The following POLN variants were observed in gnomAD, a reference collection of about 807,000 sequenced individuals.
The protein encoded by POLN is DNA polymerase nu.
Under a neutral mutation model 113.5 loss-of-function variants are expected in POLN, and 108 were observed. The observed-to-expected ratio is 0.95, with a 90% CI of 0.81 to 1.12. The LOEUF is 1.12. POLN is among the 50% of genes most tolerant of loss of function. POLN has a pLI of 0.00. For synonymous variants in POLN, 386 were observed against 391.5 expected (o/e 0.99, Z 0.17); for missense variants, 1,097 against 1,077.1 (o/e 1.02, Z -0.26).
At chr4:2,149,805 C>T (rs1024166231) in intron 16 of POLN, among the ~76,000 whole-genome samples, 4 of 150,714 alleles carry the variant, frequency 2.7e-5, no homozygotes, top group Admixed American at 2.6e-4. Flanking sequence ...GAGAGAGGGC[C>T]GGGCGCGTTG....
chr4:2,130,838 G>A (rs540943322), intron 17 of POLN, among the ~76,000 whole-genome samples: 1 of 152,244 alleles, frequency 6.6e-6, no homozygotes, highest in South Asian at 2.1e-4. Flanking sequence ...ACTTCAGGAA[G>A]GTGAAGCAGT....
At chr4:2,164,166 G>A (rs1034973802) in intron 13 of POLN, among the ~76,000 whole-genome samples, 1 of 152,168 alleles carries the variant, frequency 6.6e-6, no homozygotes, top group Non-Finnish European at 1.5e-5. Context: ...GGACTGCAGT[G>A]ACAGCCTACT....
rs748088381 is a variant in POLN, at chr4:2,072,015, G to A, written c.*99C>T. On this transcript the variant is annotated 3_prime_UTR_variant, in exon 26 of 26. Transcript: ENST00000511885. ...GATGGCGGGCCACCCCAGCCCCAAAGGGTTAATGCGTCCTGGGGCGTACAG... is the reference window on the plus strand; with the variant it reads ...GATGGCGGGCCACCCCAGCCCCAAAAGGTTAATGCGTCCTGGGGCGTACAG... 5 of 1,367,126 alleles carry A rather than the reference G, an allele frequency of 3.7e-6. No homozygotes were observed. The highest frequency in any genetic ancestry group is 3.4e-5 in the Admixed American group (2 of 59,560). 84.7% of individuals were successfully genotyped at this position (1,367,126 alleles called of 1,614,324 possible). A position where few individuals can be genotyped will look rare whatever the true frequency, so the allele number is the denominator to read the frequency against.
chr4:2,118,420 G>A (rs1050569074), intron 19 of POLN, among the ~76,000 whole-genome samples: 4 of 152,070 alleles, frequency 2.6e-5, no homozygotes, highest in Admixed American at 6.6e-5. Flanking sequence ...ATTCCTACTT[G>A]TACATAGGCC....
chr4:2,177,523 A>G (rs978430000), intron 8 of POLN, among the ~76,000 whole-genome samples: 7 of 152,346 alleles, frequency 4.6e-5, no homozygotes, highest in East Asian at 1.9e-4. Flanking sequence ...CTACAGAGAC[A>G]TATCTGGCTG....
chr4:2,241,611 T>G lies in POLN; in HGVS notation c.-104A>C, dbSNP rs751742672. On this transcript the variant is annotated 5_prime_UTR_variant, in exon 2 of 26. Transcript: ENST00000511885. Reference sequence around the variant, plus strand: ...GCAGCAGGGAAGCGCGCGGCCACAATTAAGGGTGCTTCGGGCCGGCCTTCA... The same window carrying G: ...GCAGCAGGGAAGCGCGCGGCCACAAGTAAGGGTGCTTCGGGCCGGCCTTCA... The G allele has an allele frequency of 1.0e-6, 1 of 985,108 alleles. No homozygotes were observed. Among genetic ancestry groups the G allele is most frequent in the Non-Finnish European group, 1.2e-6 (1 of 829,938 alleles). 61.0% of individuals were successfully genotyped at this position (985,108 alleles called of 1,614,324 possible). A position where few individuals can be genotyped will look rare whatever the true frequency, so the allele number is the denominator to read the frequency against.
chr4:2,108,106 A>G (rs1441827175), intron 19 of POLN, among the ~76,000 whole-genome samples: 1 of 151,964 alleles, frequency 6.6e-6, no homozygotes. Context: ...AGCCTTCCTG[A>G]CTCCAAGCAA....
chr4:2,080,681 CT>C (rs920807302), intron 23 of POLN: 2 of 1,347,364 alleles, frequency 1.5e-6, no homozygotes, highest in African/African-American at 2.9e-5. Context: ...AGGGGTGCCC[CT>C]GTGCTGTGCA....
At chr4:2,161,254 G>A (rs1241990401) in intron 13 of POLN, among the ~76,000 whole-genome samples, 1 of 152,248 alleles carries the variant, frequency 6.6e-6, no homozygotes, top group African/African-American at 2.4e-5. Flanking sequence ...CCCTCAGCTT[G>A]CAGGGAGGTG....
At chr4:2,202,883 A>C (rs1487136789) in intron 5 of POLN, among the ~76,000 whole-genome samples, 5 of 152,202 alleles carry the variant, frequency 3.3e-5, no homozygotes, top group Non-Finnish European at 7.3e-5. Context: ...TGAGGTAGAC[A>C]GCAAAGCAGT....
intron 16 of POLN, among the ~76,000 whole-genome samples, chr4:2,132,144 G>T (rs1243491577): frequency 2.0e-5 from 3 of 152,044 alleles, no homozygotes; most frequent in African/African-American, 4.8e-5. Context: ...AAGGCCTTGG[G>T]GTATTAAGTC....
Position 2,216,626 on chromosome 4 carries a change from T to C in POLN, c.134-3500A>G, listed in dbSNP as rs1376951648. Reference sequence around the variant, plus strand: ...TTCCTTGGCTGAGCGCAGGATCCTGTGGATCAAACACTCTGTGAAACTTGG... The same window carrying C: ...TTCCTTGGCTGAGCGCAGGATCCTGCGGATCAAACACTCTGTGAAACTTGG... On this transcript the variant is annotated intron_variant, in intron 3 of 25. Transcript: ENST00000511885. 3.9e-5 allele frequency among the ~76,000 whole-genome samples: 6 copies of C among 152,342 alleles called. No homozygotes were observed. The East Asian group carries it at 1.2e-3, about 29-fold the overall frequency.
intron 2 of POLN, among the ~76,000 whole-genome samples, chr4:2,239,881 G>A (rs1243372446): frequency 6.6e-6 from 1 of 152,174 alleles, no homozygotes; most frequent in East Asian, 1.9e-4. Context: ...CTATTTGTAT[G>A]AAACATTGAC....
chr4:2,109,860 T>G (rs1444085542), intron 19 of POLN, among the ~76,000 whole-genome samples: 1 of 152,228 alleles, frequency 6.6e-6, no homozygotes, highest in African/African-American at 2.4e-5. Context: ...TTTGTTCTGT[T>G]TCTCCTTTCT....
chr4:2,162,253 A>G (rs1732615407), intron 13 of POLN, among the ~76,000 whole-genome samples: 2 of 152,088 alleles, frequency 1.3e-5, no homozygotes, highest in South Asian at 4.1e-4. Flanking sequence ...TGAAGCCAGC[A>G]AGACCACCAG....
chr4:2,103,512 G>A (rs181141133), intron 19 of POLN, among the ~76,000 whole-genome samples: 4 of 152,242 alleles, frequency 2.6e-5, no homozygotes, highest in Middle Eastern at 3.4e-3. Context: ...GTTGAAGAGA[G>A]ATCTAAAGGC....
intron 23 of POLN, chr4:2,080,673 G>C: frequency 7.5e-7 from 1 of 1,332,742 alleles, no homozygotes; most frequent in Non-Finnish European, 9.7e-7. Context: ...CAGCCTCAAG[G>C]GGTGCCCCTG....
intron 16 of POLN, among the ~76,000 whole-genome samples, chr4:2,154,544 T>C (rs527418156): frequency 1.3e-5 from 2 of 152,310 alleles, no homozygotes; most frequent in East Asian, 1.9e-4. Flanking sequence ...GCATTTCACA[T>C]ACTATGTGGT....
chr4:2,147,835 G>A (rs1363268850), intron 16 of POLN, among the ~76,000 whole-genome samples: 3 of 151,806 alleles, frequency 2.0e-5, no homozygotes, highest in African/African-American at 7.3e-5. Context: ...TAGAAGTGTG[G>A]TTTCTCCATG....
Sources: gnomAD v4.1 joint callset for allele counts (sites outside exome capture counted in the v4.1 genomes callset) on GRCh38, gnomAD v4.1.1 for gene constraint, MANE v1.5 for transcripts, NCBI Gene and HGNC (gene_info 2026-07-23, HGNC 2026-07-21) for gene names.